KIAA1549L: variants seen among roughly 807,000 people sequenced by gnomAD.
The protein encoded by KIAA1549L is UPF0606 protein KIAA1549L.
Under a neutral mutation model 160.7 loss-of-function variants are expected in KIAA1549L, and 88 were observed. That is an observed-to-expected ratio of 0.55 (90% CI 0.46 to 0.65). The LOEUF is 0.65. Ranked by LOEUF, KIAA1549L falls within the 30% of genes least tolerant of loss-of-function variation. The pLI is 0.00. For missense variants in KIAA1549L, 2,258 were observed against 2,437.5 expected (o/e 0.93, Z 1.55); for synonymous variants, 950 against 976.7 (o/e 0.97, Z 0.51).
chr11:33,567,275 C>T (rs1174613611), intron 8 of KIAA1549L, among the ~76,000 whole-genome samples: 1 of 152,214 alleles, frequency 6.6e-6, no homozygotes, highest in East Asian at 1.9e-4. Flanking sequence ...TTTACATATC[C>T]TGTCTCATTT....
In KIAA1549L at chr11:33,411,700, A is replaced by C. The variant is rs80328053; in HGVS notation, c.238+34811A>C. 6.4e-4 allele frequency among the ~76,000 whole-genome samples: 97 copies of C among 152,316 alleles called. 2 individuals are homozygous for C. In the East Asian group the frequency reaches 0.018, roughly 28 times the overall value. On this transcript the variant is annotated intron_variant, in intron 1 of 20. Transcript: ENST00000658780. ...GTTTGATGTAGTCTTTCTTTGAAAGAGGGTTAGCTCTCCTAGTGCTTTCCA... is the reference window on the plus strand; with the variant it reads ...GTTTGATGTAGTCTTTCTTTGAAAGCGGGTTAGCTCTCCTAGTGCTTTCCA...
At chr11:33,631,833 A>G (rs1419854404) in intron 16 of KIAA1549L, among the ~76,000 whole-genome samples, 1 of 152,136 alleles carries the variant, frequency 6.6e-6, no homozygotes, top group East Asian at 1.9e-4. Flanking sequence ...GTCATGTTTT[A>G]TTTATCCTTG....
chr11:33,431,844 G>A (rs190117467), intron 1 of KIAA1549L, among the ~76,000 whole-genome samples: 7 of 152,360 alleles, frequency 4.6e-5, no homozygotes, highest in African/African-American at 1.2e-4. Flanking sequence ...CAGGGAGGCC[G>A]GGGAAGGCTC....
rs374809533 is a variant in KIAA1549L at position 33,543,414 on chromosome 11, G to A, written c.1851G>A (p.Thr617=). 53 of 1,613,854 alleles carry A rather than the reference G, an allele frequency of 3.3e-5. No homozygotes were observed. Among genetic ancestry groups the A allele is most frequent in the Admixed American group, 2.0e-4 (12 of 60,000 alleles). The part of the protein sequence containing the change: ...VSSPIITAPR[T]NPLPSGPPLP... ...CTCCCATCATTACAGCACCAAGGAC[G>A]AATCCCCTTCCTTCAGGACCACCTC... The change falls in exon 2 of 21, where the codon ACG becomes ACA. Residue 617 remains threonine, a synonymous_variant. Coordinates refer to ENST00000658780, the MANE Select transcript of KIAA1549L (RefSeq NM_012194.3).
intron 16 of KIAA1549L, among the ~76,000 whole-genome samples, chr11:33,621,975 A>C (rs1850970385): frequency 6.6e-6 from 1 of 152,206 alleles, no homozygotes. Context: ...TACTTCTCTT[A>C]GTTTCCCTCT....
intron 3 of KIAA1549L, 136 bp from the exon 4 acceptor site, chr11:33,547,628 C>A: frequency 1.6e-6 from 1 of 609,634 alleles, no homozygotes; most frequent in South Asian, 2.0e-5. Context: ...CCCCAGCGCA[C>A]CCCCTCAATG....
chr11:33,641,572 GTATATATATATA>G (rs10523183), intron 16 of KIAA1549L, among the ~76,000 whole-genome samples: 126 of 96,660 alleles, frequency 1.3e-3, no homozygotes, highest in Admixed American at 2.1e-3. Flanking sequence ...TAATGGATCT[GTATATATATATA>G]TATATATATA....
At chr11:33,504,919 G>C (rs919028896) in intron 1 of KIAA1549L, among the ~76,000 whole-genome samples, 1 of 152,064 alleles carries the variant, frequency 6.6e-6, no homozygotes, top group Non-Finnish European at 1.5e-5. Context: ...GGCATGCACT[G>C]CCACACCTGG....
intron 15 of KIAA1549L, among the ~76,000 whole-genome samples, chr11:33,614,959 C>T (rs1349771526): frequency 6.6e-6 from 1 of 151,378 alleles, no homozygotes; most frequent in Non-Finnish European, 1.5e-5. Flanking sequence ...TTGGCCATGC[C>T]ATACCTAAAT....
chr11:33,539,398 A>G (rs1325533340), intron 1 of KIAA1549L, among the ~76,000 whole-genome samples: 2 of 152,218 alleles, frequency 1.3e-5, no homozygotes. Flanking sequence ...CTACTCTGGT[A>G]TCACTTTCTG....
At chr11:33,589,239 A>G (rs933879226) in intron 11 of KIAA1549L, among the ~76,000 whole-genome samples, 2 of 152,232 alleles carry the variant, frequency 1.3e-5, no homozygotes, top group Admixed American at 1.3e-4. Context: ...TAGAATGGCG[A>G]TCATTAAAAA....
chr11:33,483,823 C>T (rs1012186310), intron 1 of KIAA1549L, among the ~76,000 whole-genome samples: 13 of 152,186 alleles, frequency 8.5e-5, no homozygotes, highest in Non-Finnish European at 1.6e-4. Context: ...GAGGCTGCTC[C>T]AGCCACATGG....
chr11:33,496,086 C>G (rs1852811924), intron 1 of KIAA1549L, among the ~76,000 whole-genome samples: 1 of 152,164 alleles, frequency 6.6e-6, no homozygotes, highest in Non-Finnish European at 1.5e-5. Context: ...GCCTCAGCCT[C>G]CCGAGTAGCT....
chr11:33,455,854 T>C (rs1224130286), intron 1 of KIAA1549L, among the ~76,000 whole-genome samples: 1 of 152,224 alleles, frequency 6.6e-6, no homozygotes, highest in African/African-American at 2.4e-5. Flanking sequence ...GGCAAAAAAT[T>C]TCAACCAGGT....
At chr11:33,653,639 T>C (rs950012318) in intron 17 of KIAA1549L, among the ~76,000 whole-genome samples, 1 of 152,230 alleles carries the variant, frequency 6.6e-6, no homozygotes, top group Non-Finnish European at 1.5e-5. Flanking sequence ...TTCTGGAAAA[T>C]TCTTAGCCAT....
Position 33,599,943 on chromosome 11 carries a change from ACT to A in KIAA1549L, c.4879+999_4879+1000del, listed in dbSNP as rs1374620349. 5.3e-5 allele frequency among the ~76,000 whole-genome samples: 8 copies of A among 151,986 alleles called. No individual in the cohort carries two copies. The East Asian group carries it at 7.7e-4, about 15-fold the overall frequency. ...TCAAAGGAGTTTGCATAGTGCAGGG[ACT>A]CTTTCTTGAAGCTAGTGTTGGAATA... is the stretch of plus-strand genomic sequence containing the variant. On this transcript the variant is annotated intron_variant, in intron 13 of 20. Transcript: ENST00000658780.
At chr11:33,589,167 T>C (rs1233676716) in intron 11 of KIAA1549L, among the ~76,000 whole-genome samples, 1 of 152,122 alleles carries the variant, frequency 6.6e-6, no homozygotes, top group Admixed American at 6.5e-5. Context: ...AAAATGCTCA[T>C]CATCACTGGC....
intron 1 of KIAA1549L, among the ~76,000 whole-genome samples, chr11:33,390,167 T>C (rs78634533): frequency 0.013 from 1,925 of 152,340 alleles, 28 homozygotes; most frequent in Non-Finnish European, 0.02. Context: ...TAACAGTAAC[T>C]GGTTCAGTGT....
At chr11:33,663,917 G>A (rs1852351604) in intron 20 of KIAA1549L, among the ~76,000 whole-genome samples, 1 of 152,170 alleles carries the variant, frequency 6.6e-6, no homozygotes, top group Non-Finnish European at 1.5e-5. Flanking sequence ...GCAATTGTTG[G>A]GCTGGGAAAG....
Sources: allele counts gnomAD v4.1 joint callset (sites outside exome capture counted in the v4.1 genomes callset), GRCh38; gene constraint gnomAD v4.1.1; transcripts MANE v1.5; gene names NCBI Gene and HGNC (gene_info 2026-07-23, HGNC 2026-07-21).